C10orf105: variants seen among roughly 807,000 people sequenced by gnomAD.
C10orf105 encodes the protein chromosome 10 open reading frame 105.
Under a neutral mutation model 0.6 loss-of-function variants are expected in C10orf105, and 2 were observed. That is an observed-to-expected ratio of 3.18 (90% CI 1.30 to 10.01). C10orf105 has a LOEUF of 10.01. Among genes scored for constraint, C10orf105 ranks in the 30% most tolerant of loss-of-function variants. The pLI is 0.04. For missense variants in C10orf105, 209 were observed against 191.4 expected (o/e 1.09, Z -0.54); for synonymous variants, 95 against 82.4 (o/e 1.15, Z -0.83).
upstream of C10orf105, among the ~76,000 whole-genome samples, chr10:71,720,496 G>C (rs930530895): frequency 2.6e-5 from 4 of 151,560 alleles, no homozygotes; most frequent in Non-Finnish European, 5.9e-5. Flanking sequence ...GAGCTTCCCT[G>C]ACAACCAGCT....
At position 71,716,304 on chromosome 10, in the gene C10orf105, G is replaced by T; in HGVS notation, c.34C>A (p.Pro12Thr). The T allele has an allele frequency of 2.0e-6, 3 of 1,508,576 alleles. No homozygotes were observed. In the South Asian group the frequency reaches 3.9e-5, roughly 19 times the overall value. 93.4% of individuals were successfully genotyped at this position (1,508,576 alleles called of 1,614,324 possible). The change falls in exon 2 of 2, where the codon CCA becomes ACA. Residue 12 changes from proline (P) to threonine (T), a missense_variant. Coordinates refer to ENST00000441508, the MANE Select transcript of C10orf105 (RefSeq NM_001164375.3). ...AGAAAGGCGAGGGGGCTGATGGCTG[G>T]GGAGCTGGCGAGGCTGGGGCCCTCT... ...STEGPSLASSPAISPLAFLSA... is the reference protein window; with the variant it reads ...STEGPSLASSTAISPLAFLSA...
chr10:71,734,640 C>T (rs754985174), intron 1 of C10orf105: 1 of 1,495,518 alleles, frequency 6.7e-7, no homozygotes, highest in South Asian at 1.1e-5. Context: ...CCTCCTGCTG[C>T]TGCCTCTGCC....
At chr10:71,731,102 G>T (rs1839366035) in intron 1 of C10orf105, among the ~76,000 whole-genome samples, 1 of 152,234 alleles carries the variant, frequency 6.6e-6, no homozygotes, top group African/African-American at 2.4e-5. Context: ...CTTGCTGAGG[G>T]CCCAAGCCCC....
chr10:71,713,610 G>C lies in C10orf105; in HGVS notation c.*2326C>G. ...AAACACAGAGAGCCCAGAAAGCCCT[G>C]AGGATTTGCGAGAGTGTGGTGGCTA... is the stretch of plus-strand genomic sequence containing the variant. On this transcript the variant is annotated 3_prime_UTR_variant, in exon 2 of 2. Coordinates refer to ENST00000441508, the MANE Select transcript of C10orf105 (RefSeq NM_001164375.3). 2.9e-6 allele frequency: 1 copy of C among 346,658 alleles called. No individual in the cohort carries two copies. The highest frequency in any genetic ancestry group is 5.4e-6 in the Non-Finnish European group (1 of 186,268). 21.5% of individuals were successfully genotyped at this position (346,658 alleles called of 1,614,324 possible). A position where few individuals can be genotyped will look rare whatever the true frequency, so the allele number is the denominator to read the frequency against.
At position 71,716,063 on chromosome 10, in the gene C10orf105, C is replaced by A. The variant is rs1249520250; in HGVS notation, c.275G>T (p.Arg92Leu). The change falls in exon 2 of 2, where the codon CGC becomes CTC. Residue 92 changes from arginine to leucine, a missense_variant. Transcript: ENST00000441508. ...CAGGGAGAGGCGCAAGGAGCCCAGG[C>A]GCTTCCAGAGCCGGAGCTGGGGCTC... ...PSEPQLRLWK[R>L]LGSLRLSLHS... is the part of the protein sequence containing the mutation. The A allele has an allele frequency of 1.3e-6, 2 of 1,513,210 alleles. No homozygotes were observed. Among genetic ancestry groups the A allele is most frequent in the South Asian group, 2.5e-5 (2 of 78,828 alleles). The allele number at this position is 1,513,210 out of a possible 1,614,324, so 93.7% of individuals were successfully genotyped here.
intron 1 of C10orf105, among the ~76,000 whole-genome samples, chr10:71,726,502 C>T (rs979152881): frequency 6.6e-6 from 1 of 152,200 alleles, no homozygotes; most frequent in Admixed American, 6.5e-5. Context: ...AACGCTTTGC[C>T]CCAAGAAGAG....
Position 71,715,576 on chromosome 10 carries a change from CCTGGAGGGCAAGGCTT to C in C10orf105, c.*344_*359del, listed in dbSNP as rs1244031239. ...AACTTCTCCATGCTGGGCTTTGGCA[CCTGGAGGGCAAGGCTT>C]CTGTGGCGAGCGAGGGTGCTGCTTC... On this transcript the variant is annotated 3_prime_UTR_variant, in exon 2 of 2. Transcript: ENST00000441508. The C allele has an allele frequency of 9.9e-6, 2 of 202,968 alleles. No homozygotes were observed. The highest frequency in any genetic ancestry group is 9.8e-6 in the Non-Finnish European group (1 of 101,634). 12.6% of individuals were successfully genotyped at this position (202,968 alleles called of 1,614,324 possible).
exon 1 of C10orf105, chr10:71,737,800 C>T (rs1839610230): frequency 4.3e-6 from 2 of 468,070 alleles, no homozygotes; most frequent in Non-Finnish European, 4.4e-6. Flanking sequence ...CCTTCACTCT[C>T]CTGCCTCTCC....
intron 1 of C10orf105, chr10:71,725,230 T>C: frequency 6.8e-7 from 1 of 1,465,560 alleles, no homozygotes; most frequent in Non-Finnish European, 9.6e-7. Flanking sequence ...TCCTCTCCAC[T>C]GTGAATTCTG....
intron 1 of C10orf105, among the ~76,000 whole-genome samples, chr10:71,733,556 G>T (rs1180914276): frequency 1.3e-5 from 2 of 152,146 alleles, no homozygotes; most frequent in African/African-American, 4.8e-5. Context: ...AATGCCAGGG[G>T]ATTAAGAGCT....
At chr10:71,733,645 T>G (rs1839464235) in intron 1 of C10orf105, among the ~76,000 whole-genome samples, 1 of 152,242 alleles carries the variant, frequency 6.6e-6, no homozygotes, top group Non-Finnish European at 1.5e-5. Context: ...CAAGTCATAT[T>G]TCCCTTTTCA....
chr10:71,725,346 T>C (rs1460267650), intron 1 of C10orf105: 2 of 1,614,008 alleles, frequency 1.2e-6, no homozygotes, highest in Non-Finnish European at 1.7e-6. Context: ...GGGCCGGTGT[T>C]CCAGGGGGTC....
chr10:71,729,549 G>T (rs1207130284), intron 1 of C10orf105, among the ~76,000 whole-genome samples: 1 of 152,164 alleles, frequency 6.6e-6, no homozygotes, highest in African/African-American at 2.4e-5. Flanking sequence ...TGCTCACTGG[G>T]CTGGTTTCCA....
intron 1 of C10orf105, among the ~76,000 whole-genome samples, chr10:71,728,977 C>T (rs941005096): frequency 2.0e-5 from 3 of 151,978 alleles, no homozygotes; most frequent in Admixed American, 6.6e-5. Flanking sequence ...ACTACAGGTG[C>T]GTGCTATCAC....
intron 1 of C10orf105, among the ~76,000 whole-genome samples, chr10:71,719,251 G>A (rs975340186): frequency 6.6e-6 from 1 of 152,132 alleles, no homozygotes; most frequent in Non-Finnish European, 1.5e-5. Context: ...ACCAGCAAAG[G>A]CCAGCTAGTA....
At chr10:71,737,120 G>T (rs960272298) in intron 1 of C10orf105, among the ~76,000 whole-genome samples, 2 of 152,170 alleles carry the variant, frequency 1.3e-5, no homozygotes, top group African/African-American at 4.8e-5. Context: ...AGTGTGATAG[G>T]TATTGTTTTT....
rs1866017412 is a variant in C10orf105, at chr10:71,712,563, C to G, written c.*3373G>C. On this transcript the variant is annotated 3_prime_UTR_variant, in exon 2 of 2. Transcript: ENST00000441508. Reference sequence around the variant, plus strand: ...AAAGGCTAGGGCAGATGGGGCGGAACAGGGCACCTCTCTGGCCGGTGCCCG... The same window carrying G: ...AAAGGCTAGGGCAGATGGGGCGGAAGAGGGCACCTCTCTGGCCGGTGCCCG... 7.2e-7 allele frequency: 1 copy of G among 1,384,812 alleles called. No homozygotes were observed. The highest frequency in any genetic ancestry group is 1.9e-5 in the Admixed American group (1 of 51,594). The allele number at this position is 1,384,812 out of a possible 1,614,324, so 85.8% of individuals were successfully genotyped here.
At chr10:71,724,556 C>G (rs748401367), upstream of C10orf105, among the ~76,000 whole-genome samples, 1 of 152,220 alleles carries the variant, frequency 6.6e-6, no homozygotes, top group Non-Finnish European at 1.5e-5. Flanking sequence ...CCCATCTCAG[C>G]CTTCCAAAGT....
rs1866208806 is a variant in C10orf105, at chr10:71,716,033, C to A, written c.305G>T (p.Ser102Ile). 1.3e-6 allele frequency: 2 copies of A among 1,503,176 alleles called. No homozygotes were observed. The highest frequency in any genetic ancestry group is 1.8e-6 in the Non-Finnish European group (2 of 1,124,864). The allele number at this position is 1,503,176 out of a possible 1,614,324, so 93.1% of individuals were successfully genotyped here. The change falls in exon 2 of 2, where the codon AGC (serine) becomes ATC (isoleucine). Residue 102 changes from serine to isoleucine, a missense_variant. Physicochemically the swap from Ser to Ile is moderately radical, Grantham distance 142. Transcript: ENST00000441508. ...GACGGTGGGCCGGCCATGGCGGAAG[C>A]TGTGCAGGGAGAGGCGCAAGGAGCC... ...RLGSLRLSLHSFRHGRPTVPR... is the reference protein window; with the variant it reads ...RLGSLRLSLHIFRHGRPTVPR...
Sources: gnomAD v4.1 joint callset for allele counts (sites outside exome capture counted in the v4.1 genomes callset) on GRCh38, gnomAD v4.1.1 for gene constraint, MANE v1.5 for transcripts, NCBI Gene and HGNC (gene_info 2026-07-23, HGNC 2026-07-21) for gene names.